NRG3: variants seen among roughly 807,000 people sequenced by gnomAD.
The protein encoded by NRG3 is pro-neuregulin-3, membrane-bound isoform.
A neutral mutation model predicts 66.9 loss-of-function variants in NRG3; 31 were observed. That is an observed-to-expected ratio of 0.46 (90% CI 0.35 to 0.63). The LOEUF is 0.63. Among genes scored for constraint, NRG3 ranks in the 20% least tolerant of loss-of-function variants. The probability of loss-of-function intolerance (pLI) is 0.00; values close to 1 mark genes in which losing one functional copy is unlikely to be tolerated. For synonymous variants in NRG3, 393 were observed against 359.4 expected, an observed-to-expected ratio of 1.09 and a Z score of -1.06; for missense variants, 910 against 878.9, an observed-to-expected ratio of 1.04 and a Z score of -0.45.
intron 4 of NRG3, among the ~76,000 whole-genome samples, chr10:82,898,864 G>C (rs950457790): frequency 6.6e-6 from 1 of 151,642 alleles, no homozygotes; most frequent in Non-Finnish European, 1.5e-5. Flanking sequence ...TGGGACTGCA[G>C]GCACCCCGGC....
chr10:82,468,690 GC>G (rs995409635), intron 2 of NRG3, among the ~76,000 whole-genome samples: 19 of 152,306 alleles, frequency 1.2e-4, no homozygotes, highest in Admixed American at 1.1e-3. Context: ...TGGCGCTGCA[GC>G]TACAGGGAAA....
chr10:82,029,365 A>T (rs1312846200), intron 1 of NRG3, among the ~76,000 whole-genome samples: 1 of 152,276 alleles, frequency 6.6e-6, no homozygotes, highest in South Asian at 2.1e-4. Flanking sequence ...AATGGGATTA[A>T]ATTAAATCAT....
intron 2 of NRG3, among the ~76,000 whole-genome samples, chr10:82,440,287 C>T (rs994814534): frequency 6.7e-6 from 1 of 150,118 alleles, no homozygotes; most frequent in African/African-American, 2.4e-5. Flanking sequence ...ACTTACATCT[C>T]ATTTATTATA....
chr10:82,810,517 C>T (rs56336318), intron 3 of NRG3, among the ~76,000 whole-genome samples: 11,084 of 152,016 alleles, frequency 0.073, 411 homozygotes, highest in Middle Eastern at 0.11. Context: ...AATCCCAGCA[C>T]TTTGGGAGGC....
chr10:82,664,118 C>T (rs2052577354), intron 2 of NRG3, among the ~76,000 whole-genome samples: 1 of 152,172 alleles, frequency 6.6e-6, no homozygotes, highest in Non-Finnish European at 1.5e-5. Flanking sequence ...CCTTTACCCC[C>T]ATGCTTCTAA....
chr10:82,067,023 T>G (rs1308527192), intron 1 of NRG3, among the ~76,000 whole-genome samples: 1 of 6,112 alleles, frequency 1.6e-4, no homozygotes, highest in African/African-American at 9.4e-4. Context: ...ATACAAAAGT[T>G]AAGAGGCTTT....
rs1178032683 is a variant in NRG3 at position 82,633,788 on chromosome 10, G to A, written c.954-104789G>A. On this transcript the variant is annotated intron_variant, in intron 2 of 8. Coordinates refer to ENST00000372141, the MANE Select transcript of NRG3 (RefSeq NM_001010848.4). ...CTATTTGACATTAATGTACCAAAAT[G>A]TACACATTTTAAGCAGAGGTTGTAG... 3.9e-5 allele frequency among the ~76,000 whole-genome samples: 6 copies of A among 152,284 alleles called. No individual in the cohort carries two copies. In the East Asian group the frequency reaches 1.2e-3, roughly 29 times the overall value.
At chr10:82,425,789 T>C (rs778984416) in intron 2 of NRG3, among the ~76,000 whole-genome samples, 8 of 152,188 alleles carry the variant, frequency 5.3e-5, no homozygotes, top group Non-Finnish European at 1.2e-4. Flanking sequence ...TAATGTTGTG[T>C]TTGAGTCTTG....
intron 2 of NRG3, among the ~76,000 whole-genome samples, chr10:82,553,506 GAGAATTT>G (rs760883268): frequency 1.3e-5 from 2 of 152,120 alleles, no homozygotes; most frequent in Non-Finnish European, 2.9e-5. Flanking sequence ...GTTTGCTGAA[GAGAATTT>G]TTCAGTGCTG....
intron 3 of NRG3, among the ~76,000 whole-genome samples, chr10:82,862,786 A>G (rs1591761770): frequency 1.3e-5 from 2 of 152,328 alleles, no homozygotes; most frequent in East Asian, 1.9e-4. Flanking sequence ...AACGACCTGA[A>G]CAAGGCTACT....
intron 2 of NRG3, among the ~76,000 whole-genome samples, chr10:82,697,872 A>G (rs770677829): frequency 9.2e-5 from 14 of 152,076 alleles, no homozygotes; most frequent in Non-Finnish European, 1.0e-4. Context: ...ACCCGTCAGT[A>G]TCTGCCTTTT....
At chr10:82,414,286 G>A (rs2088359455) in intron 2 of NRG3, among the ~76,000 whole-genome samples, 1 of 152,152 alleles carries the variant, frequency 6.6e-6, no homozygotes. Flanking sequence ...AGACTGAGAA[G>A]AGGGAGAGAG....
chr10:81,983,188 A>G (rs1055407067), intron 1 of NRG3, among the ~76,000 whole-genome samples: 5 of 152,220 alleles, frequency 3.3e-5, no homozygotes, highest in African/African-American at 9.6e-5. Context: ...ATGTCTGGAA[A>G]TAAATGAACA....
Position 82,589,624 on chromosome 10 carries a change from G to A in NRG3, c.954-148953G>A, listed in dbSNP as rs762157065. On this transcript the variant is annotated intron_variant, in intron 2 of 8. Transcript: ENST00000372141. ...CACCCCTCGGAGTCTAAAAAAAAAT[G>A]CATTAAGTAGGTGGACAGGGGCTTT... is the stretch of plus-strand genomic sequence containing the variant. 6.1e-4 allele frequency among the ~76,000 whole-genome samples: 93 copies of A among 152,242 alleles called. 1 individual carries two copies. The highest frequency in any genetic ancestry group is 8.7e-4 in the Non-Finnish European group (59 of 68,010).
At chr10:82,737,971 A>C (rs1293275098) in intron 2 of NRG3, among the ~76,000 whole-genome samples, 1 of 152,038 alleles carries the variant, frequency 6.6e-6, no homozygotes, top group Non-Finnish European at 1.5e-5. Context: ...AAATAGAGAG[A>C]GAAAAAATCT....
chr10:82,147,038 G>A (rs1733272276), intron 1 of NRG3, among the ~76,000 whole-genome samples: 2 of 152,170 alleles, frequency 1.3e-5, no homozygotes, highest in African/African-American at 2.4e-5. Flanking sequence ...TATCTCCTGA[G>A]GAATTTCCAG....
intron 2 of NRG3, among the ~76,000 whole-genome samples, chr10:82,733,380 AT>A (rs891884802): frequency 5.3e-5 from 8 of 152,034 alleles, no homozygotes; most frequent in Admixed American, 4.6e-4. Flanking sequence ...ATACCATCTC[AT>A]TTTTTTGGGG....
At chr10:82,786,273 C>G (rs2060358406) in intron 3 of NRG3, among the ~76,000 whole-genome samples, 1 of 152,192 alleles carries the variant, frequency 6.6e-6, no homozygotes, top group South Asian at 2.1e-4. Context: ...CCAAACAAAA[C>G]CCTAGGGACA....
intron 1 of NRG3, among the ~76,000 whole-genome samples, chr10:81,900,908 A>C (rs1844004382): frequency 6.6e-6 from 1 of 152,188 alleles, no homozygotes; most frequent in African/African-American, 2.4e-5. Flanking sequence ...TTTTTCTGGA[A>C]ATTTTTTCCT....
Sources: allele counts gnomAD v4.1 joint callset (sites outside exome capture counted in the v4.1 genomes callset), GRCh38; gene constraint gnomAD v4.1.1; transcripts MANE v1.5; gene names NCBI Gene and HGNC (gene_info 2026-07-23, HGNC 2026-07-21).